Variants in NDUFA10 observed in about 807,000 individuals in gnomAD.
NDUFA10 encodes NADH dehydrogenase [ubiquinone] 1 alpha subcomplex subunit 10, mitochondrial.
NDUFA10 carries 40 observed loss-of-function variants against 47.8 expected under a neutral mutation model. The observed-to-expected ratio is 0.84, with a 90% confidence interval of 0.65 to 1.09. NDUFA10 has a LOEUF of 1.09. Among genes scored for constraint, NDUFA10 ranks in the 50% least tolerant of loss-of-function variants. NDUFA10 has a pLI of 0.00. For synonymous variants in NDUFA10, 183 were observed against 172.2 expected (o/e 1.06, Z -0.49); for missense variants, 413 against 451.1 (o/e 0.92, Z 0.76).
At chr2:239,985,911 C>CA (rs34928768) in intron 9 of NDUFA10, among the ~76,000 whole-genome samples, 1,190 of 91,688 alleles carry the variant, frequency 0.013, 14 homozygotes, top group Non-Finnish European at 0.019. Flanking sequence ...GATTCTGTCT[C>CA]AAAAAAAAAA....
At position 239,990,165 on chromosome 2, in the gene NDUFA10, T is replaced by C. The variant is rs1217709986; in HGVS notation, c.908A>G (p.Glu303Gly). The change falls in exon 9 of 10, where the codon GAG (glutamate) becomes GGG (glycine). Residue 303 changes from glutamate to glycine, a missense_variant. Coordinates refer to ENST00000252711, the MANE Select transcript of NDUFA10 (RefSeq NM_004544.4). Reference sequence around the variant, plus strand: ...AGGAATGCTTGTGTAATTCAGCACCTCAAACTTATCCTGAACCCTAAAAAA... The same window carrying C: ...AGGAATGCTTGTGTAATTCAGCACCCCAAACTTATCCTGAACCCTAAAAAA... ...HLRLLVQDKFEVLNYTSIPIF... is the reference protein window; with the variant it reads ...HLRLLVQDKFGVLNYTSIPIF... The C allele has an allele frequency of 6.2e-7, 1 of 1,613,156 alleles. No homozygotes were observed. Among genetic ancestry groups the C allele is most frequent in the African/African-American group, 1.3e-5 (1 of 75,008 alleles).
intron 5 of NDUFA10, chr2:240,011,932 C>T: frequency 1.8e-6 from 1 of 547,548 alleles, no homozygotes; most frequent in Non-Finnish European, 3.3e-6. Flanking sequence ...ACTTTCTCCA[C>T]ACATTCTAAG....
chr2:239,932,965 C>T (rs900827185), intron 4 of NDUFA10, among the ~76,000 whole-genome samples: 5 of 152,202 alleles, frequency 3.3e-5, no homozygotes, highest in Non-Finnish European at 7.3e-5. Context: ...GAGACTCCAC[C>T]GTACACGCTA....
At chr2:239,974,038 T>G (rs1043151681) in intron 9 of NDUFA10, among the ~76,000 whole-genome samples, 46 of 152,304 alleles carry the variant, frequency 3.0e-4, no homozygotes, top group Non-Finnish European at 5.7e-4. Flanking sequence ...GTGATTCTCA[T>G]GCCTCAGCCT....
chr2:239,939,476 C>T (rs1296217135), intron 4 of NDUFA10, among the ~76,000 whole-genome samples: 1 of 152,242 alleles, frequency 6.6e-6, no homozygotes, highest in Admixed American at 6.5e-5. Flanking sequence ...ACGTGTCTGC[C>T]ATTGCTGAAG....
chr2:239,897,474 A>G (rs1393101806), intron 4 of NDUFA10, among the ~76,000 whole-genome samples: 2 of 152,198 alleles, frequency 1.3e-5, no homozygotes, highest in African/African-American at 4.8e-5. Flanking sequence ...TAGACACAGG[A>G]GTAGATTGGA....
At chr2:239,905,849 G>C (rs1476799478) in intron 4 of NDUFA10, among the ~76,000 whole-genome samples, 1 of 138,710 alleles carries the variant, frequency 7.2e-6, no homozygotes, top group Non-Finnish European at 1.6e-5. Flanking sequence ...GGGGAGGGGA[G>C]GGGAGGGGAG....
intron 9 of NDUFA10, among the ~76,000 whole-genome samples, chr2:239,976,772 G>C (rs1359004131): frequency 6.6e-6 from 1 of 152,186 alleles, no homozygotes; most frequent in Non-Finnish European, 1.5e-5. Flanking sequence ...CCACCATGCG[G>C]AGCCAGAAAC....
At position 239,987,193 on chromosome 2, in the gene NDUFA10, G is replaced by A. The variant is rs1384214077; in HGVS notation, c.999+2881C>T. Reference sequence around the variant, plus strand: ...CGTGTGATGCTCATGAAGAGGGCCTGTGGACTGGACAGCAGTAACGCGTGA... The same window carrying A: ...CGTGTGATGCTCATGAAGAGGGCCTATGGACTGGACAGCAGTAACGCGTGA... On this transcript the variant is annotated intron_variant, in intron 9 of 9. Transcript: ENST00000252711. The surrounding 1 kb of genome is among the most constrained non-coding windows in gnomAD (Gnocchi z 4.8). 6.6e-6 allele frequency among the ~76,000 whole-genome samples: 1 copy of A among 152,176 alleles called. No individual in the cohort carries two copies. The highest frequency in any genetic ancestry group is 1.5e-5 in the Non-Finnish European group (1 of 68,036).
At chr2:239,908,899 G>C (rs1693701162) in intron 4 of NDUFA10, among the ~76,000 whole-genome samples, 2 of 152,164 alleles carry the variant, frequency 1.3e-5, no homozygotes, top group Admixed American at 1.3e-4. Flanking sequence ...CCCAGGAGGA[G>C]CCCCCAAGCA....
chr2:240,018,932 G>A (rs1301698428), intron 3 of NDUFA10, among the ~76,000 whole-genome samples: 1 of 151,690 alleles, frequency 6.6e-6, no homozygotes, highest in Non-Finnish European at 1.5e-5. Context: ...CCCCTACAGT[G>A]CCCACCCCCA....
intron 4 of NDUFA10, among the ~76,000 whole-genome samples, chr2:239,941,643 T>G (rs949721527): frequency 6.6e-6 from 1 of 151,550 alleles, no homozygotes; most frequent in African/African-American, 2.4e-5. Context: ...GGAAAATGAT[T>G]GAACCTGAGA....
At chr2:239,969,424 C>A in intron 9 of NDUFA10, 1 of 166,118 alleles carries the variant, frequency 6.0e-6, no homozygotes, top group Non-Finnish European at 1.1e-5. Context: ...CTCTGCAACG[C>A]TCCTGCTGCT....
At chr2:239,969,350 A>G (rs966737938) in intron 9 of NDUFA10, 6 of 191,688 alleles carry the variant, frequency 3.1e-5, no homozygotes, top group South Asian at 1.0e-4. Flanking sequence ...ATTCTATTGG[A>G]TAAGTGTGGT....
intron 4 of NDUFA10, among the ~76,000 whole-genome samples, chr2:239,917,008 T>C (rs79163452): frequency 0.084 from 12,855 of 152,214 alleles, 788 homozygotes; most frequent in East Asian, 0.26. Flanking sequence ...CTTGCTCCAG[T>C]GTGGTCACAC....
rs374065697 is a variant in NDUFA10, at chr2:239,960,439, T to C, written c.*679A>G. On this transcript the variant is annotated 3_prime_UTR_variant, in exon 10 of 10. Coordinates refer to ENST00000252711, the MANE Select transcript of NDUFA10 (RefSeq NM_004544.4). ...CAACAGCCTAAGCTCAAATCTCCCT[T>C]CAAAGGAGTTTGAGACGCTGAGGAC... 410 of 988,426 alleles carry C rather than the reference T, an allele frequency of 4.1e-4. 5 individuals are homozygous for C. In the South Asian group the frequency reaches 0.013, roughly 30 times the overall value. 61.2% of individuals were successfully genotyped at this position (988,426 alleles called of 1,614,324 possible).
At position 239,960,613 on chromosome 2, in the gene NDUFA10, G is replaced by GA. The variant is rs550251314; in HGVS notation, c.*504dup. ...CTAAAATAAATACAGTAGGCCTTTA[G>GA]AAAAACTCTTCAGCATAATGTAAGC... On this transcript the variant is annotated 3_prime_UTR_variant, in exon 10 of 10. Coordinates refer to ENST00000252711, the MANE Select transcript of NDUFA10 (RefSeq NM_004544.4). The GA allele has an allele frequency of 1.1e-4, 108 of 1,023,546 alleles. 1 individual carries two copies. In the East Asian group the frequency reaches 6.5e-3, roughly 61 times the overall value. The allele number at this position is 1,023,546 out of a possible 1,614,324, so 63.4% of individuals were successfully genotyped here.
intron 4 of NDUFA10, among the ~76,000 whole-genome samples, chr2:239,900,040 C>T (rs1383779465): frequency 6.6e-6 from 1 of 152,034 alleles, no homozygotes; most frequent in Non-Finnish European, 1.5e-5. Flanking sequence ...AATGAGCAGA[C>T]TTGCTGAGTC....
chr2:240,017,711 G>A (rs1017585942), intron 4 of NDUFA10: 20 of 871,576 alleles, frequency 2.3e-5, no homozygotes, highest in African/African-American at 6.6e-5. Flanking sequence ...TCAGAAGCAC[G>A]GGCTTGCAGT....
Sources: allele counts gnomAD v4.1 joint callset (sites outside exome capture counted in the v4.1 genomes callset), GRCh38; gene constraint gnomAD v4.1.1; non-coding constraint Gnocchi (gnomAD v3.1); transcripts MANE v1.5; gene names NCBI Gene and HGNC (gene_info 2026-07-23, HGNC 2026-07-21).